Variants in OR6C2 observed in about 807,000 individuals in gnomAD.
OR6C2 encodes the protein olfactory receptor family 6 subfamily C member 2.
For missense variants in OR6C2, 435 were observed against 365.8 expected (o/e 1.19, Z -1.54); for synonymous variants, 146 against 134.2 (o/e 1.09, Z -0.61).
At position 55,452,123 on chromosome 12, in the gene OR6C2, A is replaced by C; in HGVS notation, c.-91A>C. 5.3e-6 allele frequency: 4 copies of C among 752,700 alleles called. No individual in the cohort carries two copies. Among genetic ancestry groups the C allele is most frequent in the Non-Finnish European group, 8.6e-6 (4 of 462,806 alleles). 46.6% of individuals were successfully genotyped at this position (752,700 alleles called of 1,614,324 possible). On this transcript the variant is annotated 5_prime_UTR_variant, in exon 2 of 2. The change abolishes an upstream ATG in the 5' untranslated region. Coordinates refer to ENST00000641202, the MANE Select transcript of OR6C2 (RefSeq NM_054105.2). The stretch of plus-strand genomic sequence containing the variant: ...GTAGGCTGGTCAGCTTGGCTTCTAG[A>C]TGCATATCCTTTTGCTATAGAATTC...
chr12:55,449,031 G>A (rs1178006355), intron 1 of OR6C2, among the ~76,000 whole-genome samples: 2 of 151,812 alleles, frequency 1.3e-5, no homozygotes, highest in African/African-American at 4.8e-5. Flanking sequence ...AGAGATGGGT[G>A]GAACTAGAAT....
chr12:55,446,870 C>T (rs1871372670), intron 1 of OR6C2, among the ~76,000 whole-genome samples: 1 of 152,108 alleles, frequency 6.6e-6, no homozygotes, highest in Non-Finnish European at 1.5e-5. Flanking sequence ...ACTCAAAGTT[C>T]AGGTAAAGGA....
In OR6C2 at chr12:55,444,588, C is replaced by T. The variant is rs149658240; in HGVS notation, c.-888+429C>T. 7.2e-3 allele frequency among the ~76,000 whole-genome samples: 1,089 copies of T among 152,258 alleles called. 15 individuals are homozygous for T. The highest frequency in any genetic ancestry group is 0.025 in the African/African-American group (1,021 of 41,550). On this transcript the variant is annotated intron_variant, in intron 1 of 1. Coordinates refer to ENST00000641202, the MANE Select transcript of OR6C2 (RefSeq NM_054105.2). ...TTCAACAAAAATGCTCCCTTAATGT[C>T]TAAGTGACACTAAGACCGAGAGACC... is the stretch of plus-strand genomic sequence containing the variant.
chr12:55,452,639 A>G lies in OR6C2; in HGVS notation c.426A>G (p.Leu142=). The G allele has an allele frequency of 6.2e-7, 1 of 1,613,798 alleles. No homozygotes were observed. Among genetic ancestry groups the G allele is most frequent in the Admixed American group, 1.7e-5 (1 of 59,944 alleles). The change falls in exon 2 of 2, where the codon TTA becomes TTG. Residue 142 remains leucine, a synonymous_variant. Transcript: ENST00000641202. The part of the protein sequence containing the change: ...VIMNNRVCTL[L]VLCCWVAGLM... ...TGAACAACAGGGTGTGTACCTTATTAGTTCTCTGCTGTTGGGTGGCTGGCT... is the reference window on the plus strand; with the variant it reads ...TGAACAACAGGGTGTGTACCTTATTGGTTCTCTGCTGTTGGGTGGCTGGCT...
At position 55,452,878 on chromosome 12, in the gene OR6C2, C is replaced by T. The variant is rs759876401; in HGVS notation, c.665C>T (p.Thr222Ile). ...VILSYLYIVR[T>I]ILKFPSVQQR... is the part of the protein sequence containing the mutation. ...CTGTCCTACTTGTACATAGTCAGAA[C>T]AATTCTGAAGTTCCCTTCTGTTCAG... The change falls in exon 2 of 2, where the codon ACA (threonine) becomes ATA (isoleucine). Residue 222 changes from threonine to isoleucine, a missense_variant. Coordinates refer to ENST00000641202, the MANE Select transcript of OR6C2 (RefSeq NM_054105.2). The T allele has an allele frequency of 1.2e-6, 2 of 1,613,828 alleles. No individual in the cohort carries two copies. Among genetic ancestry groups the T allele is most frequent in the South Asian group, 2.2e-5 (2 of 91,074 alleles).
At chr12:55,448,433 C>G (rs560268306) in intron 1 of OR6C2, among the ~76,000 whole-genome samples, 1 of 149,708 alleles carries the variant, frequency 6.7e-6, no homozygotes, top group African/African-American at 2.4e-5. Flanking sequence ...AAACTGTTAG[C>G]TGAGTAGTCA....
Position 55,452,314 on chromosome 12 carries a change from T to G in OR6C2, c.101T>G (p.Met34Arg). 6.2e-7 allele frequency: 1 copy of G among 1,613,382 alleles called. No homozygotes were observed. The highest frequency in any genetic ancestry group is 8.5e-7 in the Non-Finnish European group (1 of 1,179,444). Residue 34 changes from methionine to arginine, a missense_variant, in exon 2 of 2, where the codon ATG (methionine) becomes AGG (arginine). By Grantham distance (91) the Met-to-Arg change is moderately conservative. Coordinates refer to ENST00000641202, the MANE Select transcript of OR6C2 (RefSeq NM_054105.2). ...LLFIFLFLTY[M>R]LSVTGNLTII... ...TTTATCTTTCTATTTCTCACCTACA[T>G]GTTGAGTGTAACAGGGAACCTGACT...
At chr12:55,445,958 C>A (rs564405223) in intron 1 of OR6C2, among the ~76,000 whole-genome samples, 445 of 152,248 alleles carry the variant, frequency 2.9e-3, no homozygotes, top group Non-Finnish European at 5.1e-3. Flanking sequence ...CTGGCTAAAA[C>A]GTATTAGCTC....
At chr12:55,448,657 A>AG (rs1236741104) in intron 1 of OR6C2, among the ~76,000 whole-genome samples, 1 of 146,548 alleles carries the variant, frequency 6.8e-6, no homozygotes, top group African/African-American at 2.5e-5. Context: ...AAAAAAAAAA[A>AG]AAGAAAGAAA....
At position 55,452,941 on chromosome 12, in the gene OR6C2, T is replaced by G. The variant is rs771577491; in HGVS notation, c.728T>G (p.Met243Arg). The change falls in exon 2 of 2, where the codon ATG becomes AGG. Residue 243 changes from methionine (M) to arginine (R), a missense_variant. Coordinates refer to ENST00000641202, the MANE Select transcript of OR6C2 (RefSeq NM_054105.2). Reference sequence around the variant, plus strand: ...GCCTTTTCTACCTGTTCATCCCACATGATTGTGGTTTCCATTGCCTATGGA... The same window carrying G: ...GCCTTTTCTACCTGTTCATCCCACAGGATTGTGGTTTCCATTGCCTATGGA... ...KKAFSTCSSH[M>R]IVVSIAYGSC... 42 of 1,613,648 alleles carry G rather than the reference T, an allele frequency of 2.6e-5. No individual in the cohort carries two copies. Among genetic ancestry groups the G allele is most frequent in the Non-Finnish European group, 3.5e-5 (41 of 1,179,762 alleles).
At position 55,447,561 on chromosome 12, in the gene OR6C2, G is replaced by A. The variant is rs562885425; in HGVS notation, c.-888+3402G>A. On this transcript the variant is annotated intron_variant, in intron 1 of 1. Transcript: ENST00000641202. Reference sequence around the variant, plus strand: ...TTCTGTGAATTTGACTATTTTACATGCCATATATAAGTATAATCATGCAGT... The same window carrying A: ...TTCTGTGAATTTGACTATTTTACATACCATATATAAGTATAATCATGCAGT... 2.6e-4 allele frequency among the ~76,000 whole-genome samples: 39 copies of A among 152,092 alleles called. No homozygotes were observed. In the South Asian group the frequency reaches 8.1e-3, roughly 32 times the overall value.
At position 55,452,766 on chromosome 12, in the gene OR6C2, A is replaced by T. The variant is rs772689823; in HGVS notation, c.553A>T (p.Ile185Phe). 19 of 1,613,680 alleles carry T rather than the reference A, an allele frequency of 1.2e-5. No individual in the cohort carries two copies. Among genetic ancestry groups the T allele is most frequent in the African/African-American group, 1.3e-5 (1 of 74,844 alleles). Residue 185 changes from isoleucine (I) to phenylalanine (F), a missense_variant, in exon 2 of 2, where the codon ATC becomes TTC. Physicochemically the swap from Ile to Phe is conservative, Grantham distance 21. Transcript: ENST00000641202. ...CTGTGATGCAGGTCCTCTCCTAAAG[A>T]TCTCATGCTCAGATACATGGGTAAT... ...FSCDAGPLLKISCSDTWVIEQ... is the reference protein window; with the variant it reads ...FSCDAGPLLKFSCSDTWVIEQ...
intron 1 of OR6C2, among the ~76,000 whole-genome samples, chr12:55,447,086 C>T (rs977896090): frequency 6.6e-6 from 1 of 152,200 alleles, no homozygotes; most frequent in Non-Finnish European, 1.5e-5. Flanking sequence ...GAATGCTATT[C>T]TGCAGAATGT....
rs548380106 is a variant in OR6C2 at position 55,450,027 on chromosome 12, G to C, written c.-887-1300G>C. Among the ~76,000 whole-genome samples the C allele has an allele frequency of 3.9e-5, 6 of 152,098 alleles. No homozygotes were observed. The East Asian group carries it at 7.7e-4, about 20-fold the overall frequency. On this transcript the variant is annotated intron_variant, in intron 1 of 1. Transcript: ENST00000641202. ...ATAAGCATTAAAAATATAGCTTACT[G>C]TCACTATGTAGACAAATCTGTTTTA...
At chr12:55,447,520 GA>G (rs1424727017) in intron 1 of OR6C2, among the ~76,000 whole-genome samples, 1 of 151,944 alleles carries the variant, frequency 6.6e-6, no homozygotes, top group Admixed American at 6.6e-5. Context: ...TGGCAACCAA[GA>G]TTCTAACTCT....
intron 1 of OR6C2, among the ~76,000 whole-genome samples, chr12:55,447,203 A>T (rs1459532888): frequency 6.6e-6 from 1 of 152,218 alleles, no homozygotes; most frequent in Non-Finnish European, 1.5e-5. Context: ...TATACTAAAA[A>T]CTGCACTTGC....
In OR6C2 at chr12:55,452,322, G is replaced by T. The variant is rs776583962; in HGVS notation, c.109G>T (p.Val37Leu). 6 of 1,613,406 alleles carry T rather than the reference G, an allele frequency of 3.7e-6. No homozygotes were observed. The highest frequency in any genetic ancestry group is 5.1e-6 in the Non-Finnish European group (6 of 1,179,496). The change falls in exon 2 of 2, where the codon GTA becomes TTA. Residue 37 changes from valine to leucine, a missense_variant. Physicochemically the swap from Val to Leu is conservative, Grantham distance 32. Coordinates refer to ENST00000641202, the MANE Select transcript of OR6C2 (RefSeq NM_054105.2). ...IFLFLTYMLS[V>L]TGNLTIITLT... ...TCTATTTCTCACCTACATGTTGAGT[G>T]TAACAGGGAACCTGACTATTATCAC... is the stretch of plus-strand genomic sequence containing the variant.
chr12:55,448,643 C>CAAAAAAAAAAAAAAAAAAAAAAA (rs59178718), intron 1 of OR6C2, among the ~76,000 whole-genome samples: 70 of 71,678 alleles, frequency 9.8e-4, no homozygotes, highest in Non-Finnish European at 1.1e-3. Context: ...CCATTCACTG[C>CAAAAAAAAAAAAAAAAAAAAAAA]AAAAAAAAAA....
At chr12:55,450,336 G>A (rs1871443990) in intron 1 of OR6C2, among the ~76,000 whole-genome samples, 1 of 152,188 alleles carries the variant, frequency 6.6e-6, no homozygotes, top group Non-Finnish European at 1.5e-5. Context: ...GCAGACAAGA[G>A]CATGTAGAAA....
Sources: allele counts gnomAD v4.1 joint callset (sites outside exome capture counted in the v4.1 genomes callset), GRCh38; gene constraint gnomAD v4.1.1; transcripts MANE v1.5; gene names NCBI Gene and HGNC (gene_info 2026-07-23, HGNC 2026-07-21).